Variants in THSD4 observed in about 807,000 individuals in gnomAD.
THSD4 encodes thrombospondin type 1 domain containing 4.
THSD4 carries 69 observed loss-of-function variants against 119.0 expected under a neutral mutation model. The observed-to-expected ratio is 0.58, with a 90% CI of 0.48 to 0.71. THSD4 has a LOEUF of 0.71. THSD4 is among the 30% of genes least tolerant of loss of function. The pLI, the probability that THSD4 is intolerant of heterozygous loss-of-function variation, is 0.00. For synonymous variants in THSD4, 524 were observed against 540.4 expected, an observed-to-expected ratio of 0.97 and a Z score of 0.42; for missense variants, 1,393 against 1,391.1, an observed-to-expected ratio of 1.00 and a Z score of -0.02.
chr15:71,148,040 G>A (rs1378152677), intron 2 of THSD4, among the ~76,000 whole-genome samples: 1 of 149,978 alleles, frequency 6.7e-6, no homozygotes, highest in African/African-American at 2.5e-5. Flanking sequence ...AGTACTGGTC[G>A]AGAAAATACA....
chr15:71,136,567 C>T (rs1157618904), intron 1 of THSD4, among the ~76,000 whole-genome samples: 1 of 152,096 alleles, frequency 6.6e-6, no homozygotes, highest in African/African-American at 2.4e-5. Flanking sequence ...CTCTGGTCCT[C>T]ATTCCTTGCC....
intron 9 of THSD4, 91 bp from the exon 10 acceptor site, chr15:71,731,030 T>A: frequency 8.2e-7 from 1 of 1,216,420 alleles, no homozygotes. Flanking sequence ...ACCAACCCAG[T>A]CATTTCTCAG....
intron 7 of THSD4, among the ~76,000 whole-genome samples, chr15:71,542,397 C>G (rs1025671340): frequency 1.3e-5 from 2 of 152,146 alleles, no homozygotes; most frequent in African/African-American, 2.4e-5. Flanking sequence ...AGGAAAAATA[C>G]TATCTTTACA....
intron 7 of THSD4, among the ~76,000 whole-genome samples, chr15:71,464,535 C>T (rs2140623490): frequency 6.6e-6 from 1 of 152,246 alleles, no homozygotes; most frequent in South Asian, 2.1e-4. Context: ...TGGTTTGCAG[C>T]TCCTTTAAGC....
At chr15:71,673,232 C>T (rs369785747) in intron 8 of THSD4, among the ~76,000 whole-genome samples, 3 of 152,054 alleles carry the variant, frequency 2.0e-5, no homozygotes, top group Non-Finnish European at 4.4e-5. Flanking sequence ...TGTATGTGTC[C>T]AGGAATTTAT....
intron 1 of THSD4, among the ~76,000 whole-genome samples, chr15:71,121,454 C>T (rs1469029078): frequency 1.3e-5 from 2 of 152,076 alleles, no homozygotes; most frequent in East Asian, 3.9e-4. Context: ...GGCGCCAAGG[C>T]TTGCTTTGGG....
At chr15:71,362,530 C>G (rs2045905295) in intron 6 of THSD4, among the ~76,000 whole-genome samples, 1 of 152,048 alleles carries the variant, frequency 6.6e-6, no homozygotes, top group Non-Finnish European at 1.5e-5. Context: ...GCCTCATCTT[C>G]CTAGATTAAA....
At chr15:71,317,891 C>G (rs1351007526) in intron 6 of THSD4, among the ~76,000 whole-genome samples, 1 of 152,196 alleles carries the variant, frequency 6.6e-6, no homozygotes, top group African/African-American at 2.4e-5. Context: ...AAATGAGATA[C>G]ACTACCTAAC....
intron 7 of THSD4, among the ~76,000 whole-genome samples, chr15:71,449,267 A>G (rs763595574): frequency 6.6e-6 from 1 of 152,212 alleles, no homozygotes; most frequent in Non-Finnish European, 1.5e-5. Context: ...ACATAAACAC[A>G]TACACTATTA....
chr15:71,343,509 C>G (rs1401792025), intron 6 of THSD4, among the ~76,000 whole-genome samples: 2 of 152,118 alleles, frequency 1.3e-5, no homozygotes, highest in African/African-American at 4.8e-5. Flanking sequence ...GGTGAATCCT[C>G]ACTTTCCTCT....
intron 7 of THSD4, among the ~76,000 whole-genome samples, chr15:71,426,219 C>T (rs925339648): frequency 8.5e-5 from 13 of 152,256 alleles, no homozygotes; most frequent in Middle Eastern, 3.4e-3. Flanking sequence ...TGGCTTCCAT[C>T]GGGACACATT....
intron 7 of THSD4, among the ~76,000 whole-genome samples, chr15:71,568,602 T>A (rs929190136): frequency 6.6e-6 from 1 of 151,838 alleles, no homozygotes; most frequent in Non-Finnish European, 1.5e-5. Flanking sequence ...TTTCTTTTTT[T>A]AATTATACTT....
chr15:71,337,857 G>A (rs560034443), intron 6 of THSD4, among the ~76,000 whole-genome samples: 10 of 152,254 alleles, frequency 6.6e-5, no homozygotes, highest in African/African-American at 2.2e-4. Flanking sequence ...TGGGCAATTC[G>A]AAGGTCAAAT....
At chr15:71,678,308 G>C (rs1178827796) in intron 8 of THSD4, among the ~76,000 whole-genome samples, 1 of 152,210 alleles carries the variant, frequency 6.6e-6, no homozygotes, top group South Asian at 2.1e-4. Flanking sequence ...TAATGAAAGA[G>C]AAGTGACTCC....
intron 3 of THSD4, among the ~76,000 whole-genome samples, chr15:71,160,659 AT>A (rs1238094657): frequency 4.0e-5 from 6 of 151,278 alleles, no homozygotes; most frequent in African/African-American, 1.2e-4. Flanking sequence ...CTCCTTTTTC[AT>A]ACCTGATTTT....
intron 7 of THSD4, among the ~76,000 whole-genome samples, chr15:71,460,305 GTTTT>G (rs563476190): frequency 3.3e-5 from 4 of 122,578 alleles, no homozygotes; most frequent in Non-Finnish European, 5.1e-5. Context: ...AAGTTGCCTG[GTTTT>G]TTTTTTTTTT....
At chr15:71,191,720 A>G (rs999014800) in intron 3 of THSD4, among the ~76,000 whole-genome samples, 2 of 152,170 alleles carry the variant, frequency 1.3e-5, no homozygotes, top group African/African-American at 2.4e-5. Context: ...GCCGCAGCCC[A>G]CTGTTGCAAT....
intron 10 of THSD4, among the ~76,000 whole-genome samples, chr15:71,736,730 C>T (rs188632866): frequency 2.3e-3 from 346 of 152,286 alleles, no homozygotes; most frequent in African/African-American, 7.8e-3. Context: ...TCTGGGCTGG[C>T]CCCTCAGGGA....
chr15:71,648,099 T>C (rs2051008185), intron 7 of THSD4, among the ~76,000 whole-genome samples: 1 of 152,216 alleles, frequency 6.6e-6, no homozygotes, highest in South Asian at 2.1e-4. Flanking sequence ...AAGGCACTTA[T>C]TTCAAACCCG....
Sources: gnomAD v4.1 joint callset for allele counts (sites outside exome capture counted in the v4.1 genomes callset) on GRCh38, gnomAD v4.1.1 for gene constraint, MANE v1.5 for transcripts, NCBI Gene and HGNC (gene_info 2026-07-23, HGNC 2026-07-21) for gene names.